EPB41L3: variants seen among roughly 807,000 people sequenced by gnomAD.
The protein encoded by EPB41L3 is band 4.1-like protein 3.
A neutral mutation model predicts 127.1 loss-of-function variants in EPB41L3; 57 were observed. That is an observed-to-expected ratio of 0.45 (90% CI 0.36 to 0.56). The LOEUF (loss-of-function observed/expected upper bound fraction) is 0.56, where lower values mean the gene tolerates loss of function less well. EPB41L3 is among the 20% of genes least tolerant of loss of function. The pLI is 0.00. For missense variants in EPB41L3, 1,273 were observed against 1,372.2 expected (o/e 0.93, Z 1.14); for synonymous variants, 572 against 549.5 (o/e 1.04, Z -0.57).
chr18:5,501,811 G>A (rs1401769215), intron 1 of EPB41L3, among the ~76,000 whole-genome samples: 1 of 152,046 alleles, frequency 6.6e-6, no homozygotes, highest in Non-Finnish European at 1.5e-5. Flanking sequence ...ACCAGCAATG[G>A]ATGGAGACTA....
At chr18:5,468,279 A>T (rs1002479538) in intron 3 of EPB41L3, among the ~76,000 whole-genome samples, 1 of 152,156 alleles carries the variant, frequency 6.6e-6, no homozygotes, top group African/African-American at 2.4e-5. Context: ...GGAGGCCGGC[A>T]GGCTCCTGGC....
Position 5,427,870 on chromosome 18 carries a change from C to T in EPB41L3, c.1065+443G>A, listed in dbSNP as rs958092182. On this transcript the variant is annotated intron_variant, in intron 9 of 22. Coordinates refer to ENST00000341928, the MANE Select transcript of EPB41L3 (RefSeq NM_012307.5). ...ACGCCATTCTCCTGCCTCAGCCTCC[C>T]GAGTAGCTGGGAATATAGGCACCTG... is the stretch of plus-strand genomic sequence containing the variant. Among the ~76,000 whole-genome samples the T allele has an allele frequency of 1.4e-4, 22 of 152,056 alleles. 1 individual carries two copies. In the East Asian group the frequency reaches 2.9e-3, roughly 20 times the overall value.
At chr18:5,630,546 G>A, upstream of EPB41L3, 1 of 516,478 alleles carries the variant, frequency 1.9e-6, no homozygotes, top group South Asian at 1.4e-5. Flanking sequence ...CCAGTCTCGG[G>A]CTCGGCGGCG....
chr18:5,463,205 A>G (rs1454361054), intron 3 of EPB41L3, among the ~76,000 whole-genome samples: 1 of 152,164 alleles, frequency 6.6e-6, no homozygotes, highest in African/African-American at 2.4e-5. Context: ...CTATTCTCTT[A>G]GCCTCCAATT....
At chr18:5,502,001 T>C (rs551794096) in intron 1 of EPB41L3, among the ~76,000 whole-genome samples, 1 of 152,134 alleles carries the variant, frequency 6.6e-6, no homozygotes, top group South Asian at 2.1e-4. Context: ...ATGAAAGCGT[T>C]AAGAGACAGC....
At chr18:5,585,899 T>C (rs1196968454) in intron 3 of EPB41L3, among the ~76,000 whole-genome samples, 1 of 152,178 alleles carries the variant, frequency 6.6e-6, no homozygotes, top group Admixed American at 6.5e-5. Context: ...CCTCTGCCAG[T>C]GGCCTCATCC....
At chr18:5,537,620 A>G (rs1359598285) in intron 1 of EPB41L3, among the ~76,000 whole-genome samples, 1 of 152,100 alleles carries the variant, frequency 6.6e-6, no homozygotes, top group African/African-American at 2.4e-5. Context: ...TTAGTCTCAT[A>G]TCCAAAAACC....
intron 13 of EPB41L3, among the ~76,000 whole-genome samples, chr18:5,414,019 A>G (rs1203935434): frequency 6.6e-6 from 1 of 152,208 alleles, no homozygotes; most frequent in African/African-American, 2.4e-5. Context: ...TTTGCTATAT[A>G]AAAGTTGAAA....
chr18:5,491,637 C>A (rs895457184), intron 1 of EPB41L3, among the ~76,000 whole-genome samples: 4 of 152,164 alleles, frequency 2.6e-5, no homozygotes, highest in Non-Finnish European at 5.9e-5. Context: ...CAACTCACAG[C>A]AGCTCATACC....
At chr18:5,396,112 T>G in intron 19 of EPB41L3, 89 bp downstream of exon 19, 1 of 1,494,086 alleles carries the variant, frequency 6.7e-7, no homozygotes, top group South Asian at 1.2e-5. Context: ...GTCTCATGAA[T>G]TAAATATCGT....
intron 16 of EPB41L3, among the ~76,000 whole-genome samples, chr18:5,402,711 A>T (rs1278499674): frequency 1.3e-5 from 2 of 152,326 alleles, no homozygotes; most frequent in East Asian, 1.9e-4. Context: ...AGGGGTTAGG[A>T]TATAGTCAGA....
At chr18:5,542,736 T>C (rs1300048328) in intron 1 of EPB41L3, among the ~76,000 whole-genome samples, 2 of 152,074 alleles carry the variant, frequency 1.3e-5, no homozygotes, top group African/African-American at 4.8e-5. Flanking sequence ...CCTAGAAAAC[T>C]TCAGATCCGT....
At chr18:5,604,812 C>T (rs185645391) in intron 3 of EPB41L3, among the ~76,000 whole-genome samples, 2 of 152,224 alleles carry the variant, frequency 1.3e-5, no homozygotes, top group Admixed American at 1.3e-4. Flanking sequence ...ATTTCCTCTC[C>T]TTATCCCCTA....
intron 5 of EPB41L3, among the ~76,000 whole-genome samples, chr18:5,439,977 A>G (rs2080431858): frequency 6.6e-6 from 1 of 152,252 alleles, no homozygotes; most frequent in Non-Finnish European, 1.5e-5. Flanking sequence ...TAAATATCCA[A>G]GTTAGACACT....
At chr18:5,423,625 C>G (rs2077754868) in intron 10 of EPB41L3, 72 bp from the exon 11 acceptor site, 2 of 1,386,686 alleles carry the variant, frequency 1.4e-6, no homozygotes, top group Non-Finnish European at 1.9e-6. Context: ...AAACTTTTTA[C>G]TCTGAGAGGT....
intron 1 of EPB41L3, among the ~76,000 whole-genome samples, chr18:5,542,780 T>C (rs970865021): frequency 6.6e-6 from 1 of 152,134 alleles, no homozygotes; most frequent in African/African-American, 2.4e-5. Context: ...AATACTCTCA[T>C]TGCAAGGGAC....
chr18:5,595,957 A>G (rs2094533095), intron 3 of EPB41L3, among the ~76,000 whole-genome samples: 1 of 152,116 alleles, frequency 6.6e-6, no homozygotes, highest in South Asian at 2.1e-4. Context: ...AATCTTTATA[A>G]CCGTTTTTAA....
At chr18:5,411,389 TAGAC>T (rs1219648621) in intron 13 of EPB41L3, among the ~76,000 whole-genome samples, 2 of 152,060 alleles carry the variant, frequency 1.3e-5, no homozygotes, top group African/African-American at 4.8e-5. Flanking sequence ...GTTAAAACAA[TAGAC>T]AGAGAAAGAG....
At chr18:5,560,576 T>A (rs1252562315) in intron 3 of EPB41L3, among the ~76,000 whole-genome samples, 1 of 152,164 alleles carries the variant, frequency 6.6e-6, no homozygotes, top group Non-Finnish European at 1.5e-5. Flanking sequence ...AGCATGCAGA[T>A]CCTAAAATTC....
Sources: allele counts gnomAD v4.1 joint callset (sites outside exome capture counted in the v4.1 genomes callset), GRCh38; gene constraint gnomAD v4.1.1; transcripts MANE v1.5; gene names NCBI Gene and HGNC (gene_info 2026-07-23, HGNC 2026-07-21).